The following AGBL1 variants were observed in gnomAD, a reference collection of about 807,000 sequenced individuals.
The protein encoded by AGBL1 is AGBL carboxypeptidase 1.
AGBL1 carries 130 observed loss-of-function variants against 118.9 expected under a neutral mutation model. That is an observed-to-expected ratio of 1.09 (90% CI 0.95 to 1.26). The LOEUF (loss-of-function observed/expected upper bound fraction) is 1.26. AGBL1 is among the 50% of genes most tolerant of loss of function. The pLI, the probability that AGBL1 is intolerant of heterozygous loss-of-function variation, is 0.00. For synonymous variants in AGBL1, 555 were observed against 478.9 expected (o/e 1.16, Z -2.08); for missense variants, 1,584 against 1,298.1 (o/e 1.22, Z -3.38).
intron 5 of AGBL1, among the ~76,000 whole-genome samples, chr15:86,180,839 C>G (rs2077542099): frequency 1.3e-5 from 2 of 152,006 alleles, no homozygotes; most frequent in East Asian, 1.9e-4. Flanking sequence ...AAAGAACAAT[C>G]CAATTAAAAA....
chr15:86,636,272 CCTT>C (rs1240620906), intron 21 of AGBL1, among the ~76,000 whole-genome samples: 1 of 152,064 alleles, frequency 6.6e-6, no homozygotes, highest in African/African-American at 2.4e-5. Flanking sequence ...TGAAACCTCA[CCTT>C]CTTTAGTTTC....
chr15:86,335,085 G>C (rs1205868232), intron 17 of AGBL1, among the ~76,000 whole-genome samples: 1 of 151,796 alleles, frequency 6.6e-6, no homozygotes, highest in Non-Finnish European at 1.5e-5. Flanking sequence ...ATGACCTAGA[G>C]AAAGAAATGG....
intron 22 of AGBL1, among the ~76,000 whole-genome samples, chr15:86,743,862 C>T (rs558635711): frequency 1.1e-3 from 168 of 150,146 alleles, no homozygotes; most frequent in African/African-American, 3.8e-3. Context: ...TGATCACACA[C>T]CCCCATCCCC....
intron 22 of AGBL1, among the ~76,000 whole-genome samples, chr15:86,687,904 A>G (rs974186253): frequency 7.2e-5 from 11 of 152,142 alleles, no homozygotes; most frequent in Admixed American, 3.3e-4. Context: ...ACCTCTCAGC[A>G]TTTGTAAATC....
chr15:86,808,063 A>C (rs1236336788), intron 22 of AGBL1, among the ~76,000 whole-genome samples: 1 of 152,162 alleles, frequency 6.6e-6, no homozygotes, highest in Admixed American at 6.6e-5. Flanking sequence ...AAATTAAAAG[A>C]GAAAATTACT....
chr15:86,271,327 G>A (rs2079158317), intron 14 of AGBL1, among the ~76,000 whole-genome samples: 1 of 151,960 alleles, frequency 6.6e-6, no homozygotes, highest in African/African-American at 2.4e-5. Flanking sequence ...CTCCCAAAGT[G>A]CTGGTATTAC....
At chr15:86,332,978 T>C (rs1470262804) in intron 17 of AGBL1, among the ~76,000 whole-genome samples, 1 of 152,210 alleles carries the variant, frequency 6.6e-6, no homozygotes, top group Non-Finnish European at 1.5e-5. Flanking sequence ...GAAATCAAGA[T>C]GTTCTTTGAA....
At position 86,639,937 on chromosome 15, in the gene AGBL1, C is replaced by G. The variant is rs138089082; in HGVS notation, c.2995-34336C>G. The stretch of plus-strand genomic sequence containing the variant: ...CTTATCTTCTGCTTTCTTGTATTTC[C>G]CAACAGCATATGTGGGACCGAGGTT... On this transcript the variant is annotated intron_variant, in intron 21 of 22. Coordinates refer to ENST00000614907, the MANE Select transcript of AGBL1 (RefSeq NM_001386094.1). Among the ~76,000 whole-genome samples, 431 of 152,254 alleles carry G rather than the reference C, an allele frequency of 2.8e-3. 3 individuals are homozygous for G. Among genetic ancestry groups the G allele is most frequent in the African/African-American group, 1.0e-2 (414 of 41,548 alleles).
chr15:86,675,332 C>T (rs1348741981), intron 22 of AGBL1, among the ~76,000 whole-genome samples: 1 of 152,146 alleles, frequency 6.6e-6, no homozygotes, highest in Non-Finnish European at 1.5e-5. Flanking sequence ...GAATTTTCCT[C>T]CTGTTCCTGT....
At chr15:86,434,333 T>A (rs1209985946) in intron 18 of AGBL1, among the ~76,000 whole-genome samples, 1 of 152,230 alleles carries the variant, frequency 6.6e-6, no homozygotes, top group Non-Finnish European at 1.5e-5. Context: ...TTCAATAATG[T>A]CTGACCTTGC....
intron 22 of AGBL1, among the ~76,000 whole-genome samples, chr15:86,697,085 G>A (rs560364747): frequency 6.6e-6 from 1 of 151,968 alleles, no homozygotes; most frequent in South Asian, 2.1e-4. Context: ...AGGTATTGAA[G>A]TTTTTGTGAT....
At chr15:86,690,627 G>A (rs1480032399) in intron 22 of AGBL1, among the ~76,000 whole-genome samples, 1 of 152,184 alleles carries the variant, frequency 6.6e-6, no homozygotes, top group African/African-American at 2.4e-5. Context: ...TGACAAAGGA[G>A]AGTAGGTTTT....
At chr15:86,716,808 G>T (rs1399171843) in intron 22 of AGBL1, among the ~76,000 whole-genome samples, 1 of 152,182 alleles carries the variant, frequency 6.6e-6, no homozygotes, top group East Asian at 1.9e-4. Context: ...GGACCTCATA[G>T]GTAGATTGGG....
chr15:86,550,359 G>T (rs1328982507), intron 20 of AGBL1, among the ~76,000 whole-genome samples: 1 of 152,020 alleles, frequency 6.6e-6, no homozygotes, highest in Non-Finnish European at 1.5e-5. Flanking sequence ...TTAAAAAATA[G>T]GTTCAAGTAT....
At chr15:86,350,870 G>C (rs1013484193) in intron 17 of AGBL1, among the ~76,000 whole-genome samples, 4 of 152,206 alleles carry the variant, frequency 2.6e-5, no homozygotes, top group Non-Finnish European at 1.5e-5. Flanking sequence ...GGTGGCTTAT[G>C]CCCTAATGGA....
intron 22 of AGBL1, among the ~76,000 whole-genome samples, chr15:86,689,733 T>A (rs929879363): frequency 1.3e-5 from 2 of 152,146 alleles, no homozygotes; most frequent in Non-Finnish European, 2.9e-5. Context: ...CGATTGTCCC[T>A]TCCTGTATAA....
chr15:86,400,629 C>G (rs540077016), intron 18 of AGBL1, among the ~76,000 whole-genome samples: 1 of 146,144 alleles, frequency 6.8e-6, no homozygotes, highest in Admixed American at 7.0e-5. Flanking sequence ...CCCCACAAGT[C>G]CCCAAAGTCC....
intron 17 of AGBL1, among the ~76,000 whole-genome samples, chr15:86,382,153 TG>T (rs1212941810): frequency 1.3e-5 from 2 of 150,444 alleles, no homozygotes; most frequent in Non-Finnish European, 3.0e-5. Flanking sequence ...TCCCAGGGGA[TG>T]GGGGGCAGGG....
intron 18 of AGBL1, among the ~76,000 whole-genome samples, chr15:86,515,091 C>G (rs1567034695): frequency 6.6e-6 from 1 of 152,082 alleles, no homozygotes; most frequent in East Asian, 1.9e-4. Flanking sequence ...AATTCCTTTA[C>G]TGTTTGAGTT....
Sources: allele counts gnomAD v4.1 joint callset (sites outside exome capture counted in the v4.1 genomes callset), GRCh38; gene constraint gnomAD v4.1.1; transcripts MANE v1.5; gene names NCBI Gene and HGNC (gene_info 2026-07-23, HGNC 2026-07-21).